The following RNPC3 variants were observed in gnomAD, a reference collection of about 807,000 sequenced individuals.
RNPC3 encodes the protein RNA binding region (RNP1, RRM) containing 3, also known as RNA-binding region-containing protein 3.
A neutral mutation model predicts 67.5 loss-of-function variants in RNPC3; 48 were observed. The ratio of observed to expected loss-of-function variants is 0.71; its 90% CI spans 0.56 to 0.90. The LOEUF is 0.90. Among genes scored for constraint, RNPC3 ranks in the 40% least tolerant of loss-of-function variants. The probability of loss-of-function intolerance (pLI) is 0.00; values close to 1 mark genes in which losing one functional copy is unlikely to be tolerated. For synonymous variants in RNPC3, 239 were observed against 210.3 expected, an observed-to-expected ratio of 1.14 and a Z score of -1.18; for missense variants, 637 against 626.1, an observed-to-expected ratio of 1.02 and a Z score of -0.19.
At chr1:103,539,415 A>G (rs1165810412) in intron 7 of RNPC3, among the ~76,000 whole-genome samples, 2 of 152,242 alleles carry the variant, frequency 1.3e-5, no homozygotes, top group African/African-American at 4.8e-5. Context: ...TATCTGTCTT[A>G]AAAAGAGACA....
At chr1:103,538,474 G>A (rs1412510137) in intron 7 of RNPC3, among the ~76,000 whole-genome samples, 1 of 152,134 alleles carries the variant, frequency 6.6e-6, no homozygotes, top group Non-Finnish European at 1.5e-5. Flanking sequence ...CCAGAGTTAC[G>A]ATAGTATTGA....
intron 6 of RNPC3, among the ~76,000 whole-genome samples, chr1:103,536,470 T>G (rs1392700943): frequency 6.6e-6 from 1 of 151,978 alleles, no homozygotes; most frequent in Non-Finnish European, 1.5e-5. Flanking sequence ...GTAGTTATAT[T>G]TAACTAAATT....
At chr1:103,531,019 T>C (rs1570615699) in intron 2 of RNPC3, among the ~76,000 whole-genome samples, 2 of 152,298 alleles carry the variant, frequency 1.3e-5, no homozygotes, top group South Asian at 2.1e-4. Context: ...TCCTGAGTCC[T>C]CAAAGTCCAT....
chr1:103,538,803 A>G (rs1651055399), intron 7 of RNPC3, among the ~76,000 whole-genome samples: 1 of 152,218 alleles, frequency 6.6e-6, no homozygotes, highest in South Asian at 2.1e-4. Context: ...TAACTACTGC[A>G]GATGAATTAT....
At position 103,533,870 on chromosome 1, in the gene RNPC3, G is replaced by A; in HGVS notation, c.359+13G>A. The A allele has an allele frequency of 8.0e-7, 1 of 1,256,868 alleles. No individual in the cohort carries two copies. The highest frequency in any genetic ancestry group is 1.1e-6 in the Non-Finnish European group (1 of 895,452). The allele number at this position is 1,256,868 out of a possible 1,614,324, so 77.9% of individuals were successfully genotyped here. On this transcript the variant is annotated intron_variant, in intron 3 of 14. Transcript: ENST00000423855. Reference sequence around the variant, plus strand: ...AAAAAAAAAAAAGGTATGTAGATCAGTAAATCATACATTTTTGTTACATTT... The same window carrying A: ...AAAAAAAAAAAAGGTATGTAGATCAATAAATCATACATTTTTGTTACATTT...
chr1:103,536,485 A>G (rs1650990487), intron 6 of RNPC3, among the ~76,000 whole-genome samples: 1 of 152,202 alleles, frequency 6.6e-6, no homozygotes, highest in Non-Finnish European at 1.5e-5. Context: ...TAAATTACCT[A>G]AAGATTTCAT....
At chr1:103,536,096 A>G in intron 5 of RNPC3, 30 bp from the exon 6 acceptor site, 8 of 1,446,718 alleles carry the variant, frequency 5.5e-6, no homozygotes, top group Non-Finnish European at 7.5e-6. Flanking sequence ...ATCATTTTAT[A>G]TGTGAATTTA....
At chr1:103,550,404 C>T (rs1165367670) in intron 12 of RNPC3, among the ~76,000 whole-genome samples, 2 of 151,768 alleles carry the variant, frequency 1.3e-5, no homozygotes, top group African/African-American at 4.8e-5. Context: ...GAGGCCGAGG[C>T]GGGCAGATCA....
chr1:103,535,669 C>A (rs1650966567), intron 5 of RNPC3, among the ~76,000 whole-genome samples: 1 of 151,950 alleles, frequency 6.6e-6, no homozygotes, highest in African/African-American at 2.4e-5. Context: ...TGTGATAATT[C>A]TCTATTACTT....
At chr1:103,535,560 T>A in intron 5 of RNPC3, 119 bp downstream of exon 5, 2 of 576,340 alleles carry the variant, frequency 3.5e-6, no homozygotes, top group South Asian at 5.1e-5. Flanking sequence ...TACAGTATTT[T>A]AAATGTAATT....
chr1:103,553,093 T>G (rs1186324464), intron 14 of RNPC3, among the ~76,000 whole-genome samples: 1 of 152,200 alleles, frequency 6.6e-6, no homozygotes, highest in African/African-American at 2.4e-5. Flanking sequence ...TAATATTTAG[T>G]CCTTCTGAGA....
chr1:103,541,590 T>C, intron 8 of RNPC3, 115 bp downstream of exon 8: 20 of 1,028,522 alleles, frequency 1.9e-5, no homozygotes, highest in East Asian at 3.2e-5. Flanking sequence ...TTGGTTTACA[T>C]TGGCTTCCTA....
rs777826984 is a variant in RNPC3 at position 103,551,109 on chromosome 1, A to G, written c.1494+36A>G. The G allele has an allele frequency of 1.7e-5, 25 of 1,510,716 alleles. No homozygotes were observed. The Admixed American group carries it at 2.2e-4, about 14-fold the overall frequency. 93.6% of individuals were successfully genotyped at this position (1,510,716 alleles called of 1,614,324 possible). On this transcript the variant is annotated intron_variant, in intron 13 of 14. Transcript: ENST00000423855. ...AATCCATCTATTTCAAAACTATATA[A>G]TTTTTAGAAGGATATAACTGAAATT... is the stretch of plus-strand genomic sequence containing the variant.
rs1650690607 is a variant in RNPC3, at chr1:103,525,934, ACTTT to A, written c.-130_-127del. ...GTGGCGCAGTTCTCGCGAGAAGGTG[ACTTT>A]CTTTCTCGGTATTTCCTGGTTTCCA... On this transcript the variant is annotated 5_prime_UTR_variant, in exon 1 of 15. Coordinates refer to ENST00000423855, the MANE Select transcript of RNPC3 (RefSeq NM_017619.4). The A allele has an allele frequency of 2.8e-6, 2 of 703,086 alleles. No homozygotes were observed. The highest frequency in any genetic ancestry group is 2.8e-5 in the East Asian group (1 of 35,438). The allele number at this position is 703,086 out of a possible 1,614,324, so 43.6% of individuals were successfully genotyped here.
Position 103,543,277 on chromosome 1 carries a change from T to C in RNPC3, c.894-19T>C, listed in dbSNP as rs1651167490. Reference sequence around the variant, plus strand: ...TTTATTTGCAATTACAAACTAATGCTATGATTGTTTTTAAATAGCAGTTTA... The same window carrying C: ...TTTATTTGCAATTACAAACTAATGCCATGATTGTTTTTAAATAGCAGTTTA... On this transcript the variant is annotated intron_variant, in intron 8 of 14. Coordinates refer to ENST00000423855, the MANE Select transcript of RNPC3 (RefSeq NM_017619.4). The C allele has an allele frequency of 7.2e-7, 1 of 1,390,304 alleles. No individual in the cohort carries two copies. The highest frequency in any genetic ancestry group is 9.3e-7 in the Non-Finnish European group (1 of 1,075,556). The allele number at this position is 1,390,304 out of a possible 1,614,324, so 86.1% of individuals were successfully genotyped here. A position where few individuals can be genotyped will look rare whatever the true frequency, so the allele number is the denominator to read the frequency against.
chr1:103,536,778 T>G (rs1650996710), intron 6 of RNPC3, among the ~76,000 whole-genome samples: 1 of 152,180 alleles, frequency 6.6e-6, no homozygotes, highest in African/African-American at 2.4e-5. Context: ...GGATTTGTTT[T>G]TTTTTTCTTT....
intron 2 of RNPC3, among the ~76,000 whole-genome samples, chr1:103,530,511 TAGTGGGAGTGATCTGTGGGAGCAGG>T (rs914064614): frequency 4.6e-5 from 7 of 152,104 alleles, no homozygotes; most frequent in Non-Finnish European, 8.8e-5. Flanking sequence ...GGAGCAGACA[TAGTGGGAGTGATCTGTGGGAGCAGG>T]AGTGGGAGTG....
At chr1:103,546,374 T>C (rs945426746) in intron 11 of RNPC3, 32 bp downstream of exon 11, 5 of 1,117,102 alleles carry the variant, frequency 4.5e-6, no homozygotes, top group Non-Finnish European at 6.2e-6. Flanking sequence ...TTCATGTAAA[T>C]GAAAATAATT....
chr1:103,537,204 T>G, intron 6 of RNPC3, 138 bp from the exon 7 acceptor site: 1 of 543,714 alleles, frequency 1.8e-6, no homozygotes, highest in Non-Finnish European at 3.0e-6. Flanking sequence ...CCATACAAGG[T>G]GTTCCCTTAA....
Sources: gnomAD v4.1 joint callset for allele counts (sites outside exome capture counted in the v4.1 genomes callset) on GRCh38, gnomAD v4.1.1 for gene constraint, MANE v1.5 for transcripts, NCBI Gene and HGNC (gene_info 2026-07-23, HGNC 2026-07-21) for gene names.